The following SYNCRIP variants were observed in gnomAD, a reference collection of about 807,000 sequenced individuals.
The protein encoded by SYNCRIP is synaptotagmin binding cytoplasmic RNA interacting protein, also known as heterogeneous nuclear ribonucleoprotein Q.
SYNCRIP carries 9 observed loss-of-function variants against 68.9 expected under a neutral mutation model. The ratio of observed to expected loss-of-function variants is 0.13; its 90% confidence interval spans 0.08 to 0.23. SYNCRIP has a LOEUF of 0.23. SYNCRIP is among the 10% of genes least tolerant of loss of function. The pLI is 1.00. For synonymous variants in SYNCRIP, 258 were observed against 254.0 expected (o/e 1.02, Z -0.15); for missense variants, 414 against 770.6 (o/e 0.54, Z 5.48).
At chr6:85,615,791 C>T (rs1805696365) in intron 10 of SYNCRIP, among the ~76,000 whole-genome samples, 1 of 151,460 alleles carries the variant, frequency 6.6e-6, no homozygotes, top group Non-Finnish European at 1.5e-5. Context: ...GCCTGGGTGA[C>T]AGAGCGAGAC....
At chr6:85,621,456 TA>T (rs922653124) in intron 8 of SYNCRIP, among the ~76,000 whole-genome samples, 1 of 151,814 alleles carries the variant, frequency 6.6e-6, no homozygotes, top group Non-Finnish European at 1.5e-5. Context: ...CAAAATTTTT[TA>T]AAAAAATTAG....
At chr6:85,619,205 G>T in intron 9 of SYNCRIP, 63 bp downstream of exon 9, 1 of 1,581,610 alleles carries the variant, frequency 6.3e-7, no homozygotes, top group South Asian at 1.2e-5. Context: ...AAACTATTTT[G>T]AGATTCTAAA....
At chr6:85,631,339 CAAAAAA>C (rs71003000) in intron 6 of SYNCRIP, among the ~76,000 whole-genome samples, 4 of 91,816 alleles carry the variant, frequency 4.4e-5, no homozygotes, top group Non-Finnish European at 8.0e-5. Flanking sequence ...ACTGTGTCTC[CAAAAAA>C]AAAAAAAAAA....
intron 1 of SYNCRIP, 148 bp from the exon 2 acceptor site, chr6:85,641,599 G>A (rs1583326339): frequency 2.7e-6 from 2 of 740,854 alleles, no homozygotes; most frequent in East Asian, 5.5e-5. Context: ...ACTATCGCCT[G>A]ACAAGCCAGA....
Position 85,640,711 on chromosome 6 carries a change from G to A in SYNCRIP, c.149-147C>T, listed in dbSNP as rs912845105. On this transcript the variant is annotated intron_variant, in intron 2 of 10. Coordinates refer to ENST00000369622, the MANE Select transcript of SYNCRIP (RefSeq NM_006372.5). ...TGAAAAAAAAAAAACACACACTTCAGCCACTCTGAACTGAATCCTGAACTA... is the reference window on the plus strand; with the variant it reads ...TGAAAAAAAAAAAACACACACTTCAACCACTCTGAACTGAATCCTGAACTA... 12 of 540,786 alleles carry A rather than the reference G, an allele frequency of 2.2e-5. No individual in the cohort carries two copies. In the South Asian group the frequency reaches 3.7e-4, roughly 17 times the overall value. The allele number at this position is 540,786 out of a possible 1,614,324, so 33.5% of individuals were successfully genotyped here. A position where few individuals can be genotyped will look rare whatever the true frequency, so the allele number is the denominator to read the frequency against.
intron 6 of SYNCRIP, among the ~76,000 whole-genome samples, chr6:85,625,554 T>C (rs1160544773): frequency 6.6e-6 from 1 of 151,878 alleles, no homozygotes; most frequent in African/African-American, 2.4e-5. Flanking sequence ...TGCCCGGCTA[T>C]TTTTTGTATT....
Position 85,623,573 on chromosome 6 carries a change from A to AAAAAAAAAAAAAC in SYNCRIP, c.802+403_802+404insGTTTTTTTTTTTT, listed in dbSNP as rs1562087709. Among the ~76,000 whole-genome samples, 60 of 149,618 alleles carry AAAAAAAAAAAAAC rather than the reference A, an allele frequency of 4.0e-4. 1 individual carries two copies. The East Asian group carries it at 9.3e-3, about 23-fold the overall frequency. Reference sequence around the variant, plus strand: ...AGCAAGACTGTCTCCAAAAAAAAAAAAAAAAAAAAACACTCTGCTACGGCA... The same window carrying AAAAAAAAAAAAAC: ...AGCAAGACTGTCTCCAAAAAAAAAAAAAAAAAAAAAAACAAAAAAAAAACACTCTGCTACGGCA... On this transcript the variant is annotated intron_variant, in intron 7 of 10. Transcript: ENST00000369622.
At chr6:85,616,037 TA>T (rs1429993274) in intron 10 of SYNCRIP, among the ~76,000 whole-genome samples, 2 of 152,178 alleles carry the variant, frequency 1.3e-5, no homozygotes, top group Non-Finnish European at 2.9e-5. Context: ...TTCCCAAAAA[TA>T]AACTACACCG....
chr6:85,619,204 T>G, intron 9 of SYNCRIP, 64 bp downstream of exon 9: 11 of 1,580,968 alleles, frequency 7.0e-6, no homozygotes, highest in Non-Finnish European at 9.4e-6. Flanking sequence ...AAAACTATTT[T>G]GAGATTCTAA....
downstream of SYNCRIP, among the ~76,000 whole-genome samples, chr6:85,613,086 G>GT (rs925886577): frequency 1.3e-5 from 2 of 151,416 alleles, no homozygotes; most frequent in African/African-American, 4.9e-5. Context: ...CTTTTTGCTT[G>GT]TTTTTTACTT....
rs374022494 is a variant in SYNCRIP, at chr6:85,615,255, G to C, written c.1373C>G (p.Pro458Arg). ...ATAATCTTCATATCCATAATAATCT[G>C]GAGGATATCCATAACCACCTCTACC... is the stretch of plus-strand genomic sequence containing the variant. ...RGGRGGYGYP[P>R]DYYGYEDYYD... Residue 458 changes from proline (P) to arginine (R), a missense_variant, in exon 11 of 11, where the codon CCA (proline) becomes CGA (arginine). Around this residue, in one of 6 missense-constraint regions of SYNCRIP, gnomAD observed 72 missense variants for 119.8 expected, o/e 0.60. Coordinates refer to ENST00000369622, the MANE Select transcript of SYNCRIP (RefSeq NM_006372.5). 4.4e-6 allele frequency: 7 copies of C among 1,605,086 alleles called. No homozygotes were observed. The highest frequency in any genetic ancestry group is 6.0e-6 in the Non-Finnish European group (7 of 1,173,598).
chr6:85,634,791 G>A (rs1808259686), intron 6 of SYNCRIP, among the ~76,000 whole-genome samples: 1 of 152,132 alleles, frequency 6.6e-6, no homozygotes, highest in South Asian at 2.1e-4. Flanking sequence ...GAGATTAAAG[G>A]ATTTTGGGAC....
chr6:85,628,823 G>A (rs1272839142), intron 6 of SYNCRIP, among the ~76,000 whole-genome samples: 1 of 152,140 alleles, frequency 6.6e-6, no homozygotes, highest in Middle Eastern at 3.2e-3. Context: ...GATCCTGACG[G>A]TCATCCAAGG....
chr6:85,613,944 T>C, downstream of SYNCRIP: 7 of 972,588 alleles, frequency 7.2e-6, no homozygotes, highest in Non-Finnish European at 7.3e-6. Context: ...TTCATCACAA[T>C]TAAGAACTCT....
At chr6:85,641,231 T>A in intron 2 of SYNCRIP, 61 bp downstream of exon 2, 1 of 1,473,728 alleles carries the variant, frequency 6.8e-7, no homozygotes, top group Non-Finnish European at 9.3e-7. Context: ...CTATTTTAGC[T>A]CAAAGCCAGA....
intron 4 of SYNCRIP, among the ~76,000 whole-genome samples, chr6:85,638,234 G>A (rs866975881): frequency 6.6e-6 from 1 of 151,928 alleles, no homozygotes; most frequent in Admixed American, 6.6e-5. Context: ...TTAGCCAGGC[G>A]TGGTGGCACG....
intron 6 of SYNCRIP, 74 bp from the exon 7 acceptor site, chr6:85,624,186 A>T (rs556679746): frequency 4.8e-5 from 68 of 1,426,014 alleles, no homozygotes; most frequent in African/African-American, 2.4e-4. Flanking sequence ...AAAGATACAC[A>T]AGAGCAAATC....
chr6:85,608,189 T>C (rs1207335713), downstream of SYNCRIP: 2 of 152,076 alleles, frequency 1.3e-5, no homozygotes, highest in African/African-American at 2.4e-5. Context: ...TTTTTCACCA[T>C]TGGCTAGTTA....
chr6:85,626,184 A>T (rs1010152816), intron 6 of SYNCRIP, among the ~76,000 whole-genome samples: 2 of 152,234 alleles, frequency 1.3e-5, no homozygotes, highest in Non-Finnish European at 2.9e-5. Context: ...CATTGCACAG[A>T]ATTATGGACA....
Sources: allele counts gnomAD v4.1 joint callset (sites outside exome capture counted in the v4.1 genomes callset), GRCh38; gene constraint gnomAD v4.1.1; regional missense constraint gnomAD v4.1.1; transcripts MANE v1.5; gene names NCBI Gene and HGNC (gene_info 2026-07-23, HGNC 2026-07-21).